Variants in PLA2R1 observed in about 807,000 individuals in gnomAD.
PLA2R1 encodes phospholipase A2 receptor 1.
A neutral mutation model predicts 195.9 loss-of-function variants in PLA2R1; 158 were observed. That is an observed-to-expected ratio of 0.81 (90% CI 0.71 to 0.92). PLA2R1 has a LOEUF of 0.92. Among genes scored for constraint, PLA2R1 ranks in the 40% least tolerant of loss-of-function variants. PLA2R1 has a pLI of 0.00. For synonymous variants in PLA2R1, 586 were observed against 598.2 expected (o/e 0.98, Z 0.30); for missense variants, 1,626 against 1,764.6 (o/e 0.92, Z 1.41).
At chr2:159,944,782 T>C (rs1687281976) in intron 28 of PLA2R1, 124 bp downstream of exon 28, 1 of 697,610 alleles carries the variant, frequency 1.4e-6, no homozygotes. Context: ...AACACAACAA[T>C]AATGTCAGAA....
rs374768622 is a variant in PLA2R1 at position 160,016,762 on chromosome 2, G to A, written c.1453-50C>T. ...AATGAATACACTCTGTGCTGATACC[G>A]ATGGGCAATAGCAATTCTTATAAAA... On this transcript the variant is annotated intron_variant, in intron 8 of 29. Transcript: ENST00000283243. 91 of 805,026 alleles carry A rather than the reference G, an allele frequency of 1.1e-4. 2 individuals carry two copies. The highest frequency in any genetic ancestry group is 1.0e-3 in the South Asian group (71 of 69,634). 49.9% of individuals were successfully genotyped at this position (805,026 alleles called of 1,614,324 possible).
At chr2:159,977,625 AAAAAAC>A (rs888392813) in intron 14 of PLA2R1, among the ~76,000 whole-genome samples, 12 of 152,182 alleles carry the variant, frequency 7.9e-5, no homozygotes, top group South Asian at 2.1e-4. Context: ...ATGCCTTTTT[AAAAAAC>A]AAAAACAAAA....
intron 20 of PLA2R1, among the ~76,000 whole-genome samples, chr2:159,966,188 C>T (rs1688777075): frequency 6.6e-6 from 1 of 152,152 alleles, no homozygotes; most frequent in Non-Finnish European, 1.5e-5. Flanking sequence ...GTAGTATATC[C>T]ATACAATGGA....
chr2:160,025,645 A>T (rs1693468890), intron 6 of PLA2R1, among the ~76,000 whole-genome samples: 1 of 150,684 alleles, frequency 6.6e-6, no homozygotes, highest in African/African-American at 2.4e-5. Flanking sequence ...AGAGAAAGGA[A>T]TTGAAATTTA....
In PLA2R1 at chr2:159,944,929, C is replaced by A. The variant is rs201298205; in HGVS notation, c.4121G>T (p.Gly1374Val). Residue 1374 changes from glycine to valine, a missense_variant, in exon 28 of 30, where the codon GGC becomes GTC. Gly to Val is a moderately radical substitution (Grantham distance 109, BLOSUM62 -3). Transcript: ENST00000283243. ...WQLSPCQEKK[G>V]FICKMEADIH... ...ACCTGCCTCCATTTTACATATAAAG[C>A]CTTTTTTTTCTTGACACGGGGATAG... The A allele has an allele frequency of 4.9e-5, 79 of 1,612,742 alleles. No individual in the cohort carries two copies. The highest frequency in any genetic ancestry group is 6.4e-5 in the Non-Finnish European group (76 of 1,179,170).
At chr2:160,016,782 A>AT (rs911246737) in intron 8 of PLA2R1, 70 bp from the exon 9 acceptor site, 195 of 679,208 alleles carry the variant, frequency 2.9e-4, no homozygotes, top group Middle Eastern at 4.9e-4. Context: ...AGCAATTCTT[A>AT]TAAAAAAAAT....
chr2:159,946,657 T>C, intron 27 of PLA2R1, 144 bp downstream of exon 27: 1 of 1,404,176 alleles, frequency 7.1e-7, no homozygotes, highest in Non-Finnish European at 9.3e-7. Context: ...CAATGTTGTT[T>C]TTGGAAGAAA....
chr2:159,995,984 A>G (rs1691182666), intron 11 of PLA2R1, among the ~76,000 whole-genome samples: 7 of 152,046 alleles, frequency 4.6e-5, no homozygotes, highest in Admixed American at 4.6e-4. Flanking sequence ...AAGCAAATCT[A>G]TCATCTATCT....
rs1693011851 is a variant in PLA2R1 at position 160,020,141 on chromosome 2, T to C, written c.1417A>G (p.Asn473Asp). 1 of 1,613,792 alleles carries C rather than the reference T, an allele frequency of 6.2e-7. No individual in the cohort carries two copies. Among genetic ancestry groups the C allele is most frequent in the Non-Finnish European group, 8.5e-7 (1 of 1,179,880 alleles). Residue 473 changes from asparagine to aspartate, a missense_variant, in exon 8 of 30, where the codon AAT becomes GAT. Physicochemically the swap from Asn to Asp is conservative, Grantham distance 23 (BLOSUM62 1). Coordinates refer to ENST00000283243, the MANE Select transcript of PLA2R1 (RefSeq NM_007366.5). ...WHTLEPHIFP[N>D]RSQLCVSAEQ... Reference sequence around the variant, plus strand: ...GCTGAGACACACAGCTGGCTTCTATTTGGAAAAATGTGGGGCTCAAGTGTG... The same window carrying C: ...GCTGAGACACACAGCTGGCTTCTATCTGGAAAAATGTGGGGCTCAAGTGTG...
At chr2:159,942,953 C>T (rs1423370860) in intron 28 of PLA2R1, among the ~76,000 whole-genome samples, 2 of 150,814 alleles carry the variant, frequency 1.3e-5, no homozygotes, top group Admixed American at 1.3e-4. Flanking sequence ...CAAAACCATA[C>T]TTTTAAAACC....
intron 10 of PLA2R1, among the ~76,000 whole-genome samples, chr2:160,007,771 T>A (rs1573881690): frequency 6.6e-6 from 1 of 152,310 alleles, no homozygotes; most frequent in South Asian, 2.1e-4. Flanking sequence ...AAATCCCGTG[T>A]TCATGCCTTG....
At chr2:160,049,767 A>T (rs748588706) in intron 1 of PLA2R1, among the ~76,000 whole-genome samples, 4 of 152,202 alleles carry the variant, frequency 2.6e-5, no homozygotes, top group Non-Finnish European at 5.9e-5. Context: ...TGGAGGCTGC[A>T]GTGAGCCAAG....
chr2:159,946,153 G>T, intron 27 of PLA2R1: 1 of 758,960 alleles, frequency 1.3e-6, no homozygotes, highest in Non-Finnish European at 1.6e-6. Context: ...TAACAATACA[G>T]CTAACTAAAA....
chr2:160,005,463 C>CAAAT (rs1367315349), intron 11 of PLA2R1, among the ~76,000 whole-genome samples, 189 bp downstream of exon 11: 9 of 117,448 alleles, frequency 7.7e-5, no homozygotes, highest in African/African-American at 2.2e-4. Context: ...AACAAACAAA[C>CAAAT]AAACAAATAA....
chr2:160,002,711 G>A (rs1413468395), intron 11 of PLA2R1, among the ~76,000 whole-genome samples: 1 of 151,890 alleles, frequency 6.6e-6, no homozygotes, highest in Non-Finnish European at 1.5e-5. Context: ...ATTATAGTAG[G>A]TGAAGCTTTG....
intron 6 of PLA2R1, among the ~76,000 whole-genome samples, chr2:160,026,603 A>G (rs977424516): frequency 1.6e-4 from 24 of 152,174 alleles, no homozygotes; most frequent in Non-Finnish European, 2.5e-4. Context: ...ACTGTCCCCA[A>G]TCTGATGATG....
rs1693951933 is a variant in PLA2R1, at chr2:160,032,977, C to A, written c.823G>T (p.Glu275Ter). ...TACTTACCCCTTATGAAATTTTCTT[C>A]AGTTTCATCTGTAATACTTAACAGC... The part of the protein sequence containing the change: ...GTLLSITDET[E>*]ENFIREHMSS... The change falls in exon 4 of 30, where the codon GAA (glutamate) becomes TAA (stop). Residue 275 changes from glutamate to a stop codon, truncating the protein, a stop_gained. Transcript: ENST00000283243. LOFTEE classifies it high-confidence loss of function. The A allele has an allele frequency of 6.2e-7, 1 of 1,611,266 alleles. No homozygotes were observed. Among genetic ancestry groups the A allele is most frequent in the Non-Finnish European group, 8.5e-7 (1 of 1,178,450 alleles).
chr2:159,925,590 A>G, the PLA2R1 span, among the ~76,000 whole-genome samples: 1 of 152,064 alleles, frequency 6.6e-6, no homozygotes, highest in Admixed American at 6.5e-5. Flanking sequence ...GTGGAAAAAA[A>G]TGATTTTTTC....
intron 11 of PLA2R1, among the ~76,000 whole-genome samples, chr2:159,993,954 G>A (rs549171395): frequency 6.6e-6 from 1 of 151,822 alleles, no homozygotes; most frequent in East Asian, 1.9e-4. Context: ...TGTACCACGG[G>A]GTAACAAAAA....
Sources: gnomAD v4.1 joint callset for allele counts (sites outside exome capture counted in the v4.1 genomes callset) on GRCh38, gnomAD v4.1.1 for gene constraint, MANE v1.5 for transcripts, NCBI Gene and HGNC (gene_info 2026-07-23, HGNC 2026-07-21) for gene names.